Variants in CCT4 observed in about 807,000 individuals in gnomAD.
CCT4 encodes chaperonin containing TCP1 subunit 4.
CCT4 carries 17 observed loss-of-function variants against 62.5 expected under a neutral mutation model. That is an observed-to-expected ratio of 0.27 (90% CI 0.19 to 0.41). The LOEUF (loss-of-function observed/expected upper bound fraction) is 0.41. CCT4 is among the 10% of genes least tolerant of loss of function. The pLI is 1.00. For synonymous variants in CCT4, 250 were observed against 229.9 expected (o/e 1.09, Z -0.79); for missense variants, 592 against 659.2 (o/e 0.90, Z 1.12).
intron 1 of CCT4, chr2:61,885,732 T>C (rs1006236471): frequency 6.6e-6 from 1 of 152,202 alleles, no homozygotes; most frequent in Non-Finnish European, 1.5e-5. Context: ...AATCAGCTTA[T>C]GGCAGAATAC....
upstream of CCT4, chr2:61,888,666 C>T (rs1002096455): frequency 1.2e-5 from 10 of 832,994 alleles, no homozygotes; most frequent in African/African-American, 1.4e-4. Context: ...GGGGGCCTTC[C>T]TTGCCGCGCG....
Position 61,883,773 on chromosome 2 carries a change from GACACACACACACAC to G in CCT4, c.181-239_181-226del, listed in dbSNP as rs59031193. ...GGTAATCTAAAAGTGAAGAAATGTA[GACACACACACACAC>G]ACACACACACACACACACACACACA... On this transcript the variant is annotated intron_variant, in intron 2 of 13. Transcript: ENST00000394440. 5.5e-3 allele frequency among the ~76,000 whole-genome samples: 793 copies of G among 143,934 alleles called. 6 individuals carry two copies. The highest frequency in any genetic ancestry group is 0.018 in the African/African-American group (708 of 39,150). 94.4% of individuals were successfully genotyped at this position (143,934 alleles called of 152,430 possible).
At chr2:61,882,170 T>G (rs575942522) in intron 3 of CCT4, among the ~76,000 whole-genome samples, 141 of 152,082 alleles carry the variant, frequency 9.3e-4, no homozygotes, top group Non-Finnish European at 1.7e-3. Flanking sequence ...TGACCTCAGG[T>G]GATCCACCCG....
intron 1 of CCT4, among the ~76,000 whole-genome samples, chr2:61,887,607 T>C (rs1178648999): frequency 6.6e-6 from 1 of 152,196 alleles, no homozygotes; most frequent in East Asian, 1.9e-4. Context: ...CTATTTCAAC[T>C]CGATTTCTCT....
chr2:61,878,549 T>A lies in CCT4; in HGVS notation c.522+320A>T, dbSNP rs116503676. On this transcript the variant is annotated intron_variant, in intron 5 of 13. Transcript: ENST00000394440. ...CAATAAAAATTAGCTATACTGCCAGTAATCTATGGCAGTCTTTCTGATTTG... is the reference window on the plus strand; with the variant it reads ...CAATAAAAATTAGCTATACTGCCAGAAATCTATGGCAGTCTTTCTGATTTG... 3.4e-3 allele frequency among the ~76,000 whole-genome samples: 521 copies of A among 152,358 alleles called. 3 individuals are homozygous for A. Among genetic ancestry groups the A allele is most frequent in the African/African-American group, 0.012 (506 of 41,584 alleles).
intron 1 of CCT4, chr2:61,885,862 G>A (rs544206839): frequency 6.6e-6 from 1 of 152,194 alleles, no homozygotes; most frequent in Non-Finnish European, 1.5e-5. Flanking sequence ...GAACTGTCTA[G>A]ATCTAAAATA....
intron 5 of CCT4, among the ~76,000 whole-genome samples, chr2:61,877,742 T>G (rs1015724197): frequency 1.1e-4 from 17 of 152,142 alleles, no homozygotes; most frequent in African/African-American, 3.9e-4. Flanking sequence ...TTTATTAATA[T>G]AATAGCCGGG....
intron 3 of CCT4, among the ~76,000 whole-genome samples, chr2:61,881,197 T>C (rs996507660): frequency 2.1e-5 from 3 of 140,234 alleles, no homozygotes; most frequent in African/African-American, 8.1e-5. Flanking sequence ...AAGTTTTGTT[T>C]TATTTAGCAA....
intron 10 of CCT4, 51 bp from the exon 11 acceptor site, chr2:61,872,639 A>G: frequency 6.2e-7 from 1 of 1,603,586 alleles, no homozygotes; most frequent in Non-Finnish European, 8.5e-7. Flanking sequence ...AAAAAACCCC[A>G]CACCCAGGCC....
chr2:61,885,110 A>C (rs1175353242), intron 1 of CCT4, 38 bp from the exon 2 acceptor site: 2 of 1,455,428 alleles, frequency 1.4e-6, no homozygotes, highest in African/African-American at 1.6e-5. Flanking sequence ...ACAAATTAGA[A>C]CTTTTTTTTT....
chr2:61,868,690 GA>G lies in CCT4; in HGVS notation c.*1del, dbSNP rs1349059776. On this transcript the variant is annotated 3_prime_UTR_variant, in exon 14 of 14. Transcript: ENST00000394440. The stretch of plus-strand genomic sequence containing the variant: ...CATAATGGTGCTAGTCAGTTATCCA[GA>G]TTATCGAGTGTTTACCTGATAAGAG... 6.3e-7 allele frequency: 1 copy of G among 1,591,312 alleles called. No homozygotes were observed. Among genetic ancestry groups the G allele is most frequent in the Non-Finnish European group, 8.6e-7 (1 of 1,159,494 alleles).
chr2:61,874,687 A>G (rs1558504785), intron 8 of CCT4, among the ~76,000 whole-genome samples: 1 of 152,198 alleles, frequency 6.6e-6, no homozygotes, highest in Non-Finnish European at 1.5e-5. Flanking sequence ...TATGCAGAGC[A>G]TTCCCCCAAA....
chr2:61,883,546 A>G lies in CCT4; in HGVS notation c.183T>C (p.Ile61=), dbSNP rs755286438. 1 of 1,539,096 alleles carries G rather than the reference A, an allele frequency of 6.5e-7. No homozygotes were observed. The highest frequency in any genetic ancestry group is 1.2e-5 in the South Asian group (1 of 84,092). Reference sequence around the variant, plus strand: ...TGGTTACATCACCTTTTCCATCTTGAATCTAGAAAAAAAATTTTAAAGTTA... The same window carrying G: ...TGGTTACATCACCTTTTCCATCTTGGATCTAGAAAAAAAATTTTAAAGTTA... ...SLGPKGMDKM[I]QDGKGDVTIT... Residue 61 remains isoleucine (I), a splice_region_variant and synonymous_variant, in exon 3 of 14, where the codon ATT becomes ATC. Transcript: ENST00000394440.
chr2:61,887,541 T>C (rs2105145293), intron 1 of CCT4, among the ~76,000 whole-genome samples: 1 of 152,348 alleles, frequency 6.6e-6, no homozygotes, highest in South Asian at 2.1e-4. Context: ...CTATACTCAA[T>C]ATACACTCGG....
Position 61,877,023 on chromosome 2 carries a change from T to C in CCT4, c.674A>G (p.Glu225Gly), listed in dbSNP as rs1458363717. 6.2e-7 allele frequency: 1 copy of C among 1,613,672 alleles called. No homozygotes were observed. The change falls in exon 7 of 14, where the codon GAA becomes GGA. Residue 225 changes from glutamate (E) to glycine (G), a missense_variant. Glu to Gly is a moderately conservative substitution (Grantham distance 98). Around this residue, in one of 3 missense-constraint regions of CCT4, gnomAD observed 522 missense variants for 571.2 expected, o/e 0.91. Coordinates refer to ENST00000394440, the MANE Select transcript of CCT4 (RefSeq NM_006430.4). ...GGTIDDCELV[E>G]GLVLTQKVSN... ...CACTTTTTGGGTGAGAACCAGCCCT[T>C]CCACCAACTCACAGTCATCAATTGT...
In CCT4 at chr2:61,877,403, T is replaced by G; in HGVS notation, c.634A>C (p.Lys212Gln). The stretch of plus-strand genomic sequence containing the variant: ...ATTAGAGATGCTTACCCAAGCTTCT[T>G]AACTATTTTAATATCTCTAAGATCT... ...SVDLRDIKIVKKLGGTIDDCE... is the reference protein window; with the variant it reads ...SVDLRDIKIVQKLGGTIDDCE... The change falls in exon 6 of 14, where the codon AAG (lysine) becomes CAG (glutamine). Residue 212 changes from lysine (K) to glutamine (Q), a missense_variant. This residue lies in a region of CCT4 where 522 missense variants were observed against 571.2 expected (regional missense o/e 0.91). Transcript: ENST00000394440. The G allele has an allele frequency of 6.4e-7, 1 of 1,564,632 alleles. No individual in the cohort carries two copies. The highest frequency in any genetic ancestry group is 8.7e-7 in the Non-Finnish European group (1 of 1,153,648).
intron 4 of CCT4, among the ~76,000 whole-genome samples, chr2:61,879,342 G>A (rs1207781653): frequency 7.5e-6 from 1 of 134,124 alleles, no homozygotes; most frequent in African/African-American, 2.8e-5. Context: ...GCTCACTACA[G>A]CCTCAACCTC....
At chr2:61,888,126 T>C in intron 1 of CCT4, 1 of 431,670 alleles carries the variant, frequency 2.3e-6, no homozygotes, top group Non-Finnish European at 4.1e-6. Context: ...CCAATATGAA[T>C]GATGCACAGT....
intron 8 of CCT4, among the ~76,000 whole-genome samples, chr2:61,875,450 C>T (rs13419005): frequency 0.38 from 57,730 of 151,290 alleles, 11,638 homozygotes; most frequent in East Asian, 0.71. Context: ...TGTGGTGGCA[C>T]GTGCCTGCAG....
Sources: gnomAD v4.1 joint callset for allele counts (sites outside exome capture counted in the v4.1 genomes callset) on GRCh38, gnomAD v4.1.1 for gene constraint, gnomAD v4.1.1 regional missense constraint, MANE v1.5 for transcripts, NCBI Gene and HGNC (gene_info 2026-07-23, HGNC 2026-07-21) for gene names.